NXPE2: variants seen among roughly 807,000 people sequenced by gnomAD.
The protein encoded by NXPE2 is neurexophilin and PC-esterase domain family member 2.
A neutral mutation model predicts 34.4 loss-of-function variants in NXPE2; 34 were observed. The observed-to-expected ratio is 0.99, with a 90% confidence interval of 0.75 to 1.31. The LOEUF (loss-of-function observed/expected upper bound fraction) is 1.31, where lower values mean the gene tolerates loss of function less well. Ranked by LOEUF, NXPE2 falls within the 40% of genes most tolerant of loss-of-function variation. The pLI is 0.00. For missense variants in NXPE2, 649 were observed against 672.5 expected, an observed-to-expected ratio of 0.97 and a Z score of 0.39; for synonymous variants, 235 against 231.3, an observed-to-expected ratio of 1.02 and a Z score of -0.15.
At chr11:114,768,349 C>T in the NXPE2 span, among the ~76,000 whole-genome samples, 2 of 152,100 alleles carry the variant, frequency 1.3e-5, no homozygotes, top group Non-Finnish European at 1.5e-5. Flanking sequence ...TAGCAAGATG[C>T]CTCCAGCTTT....
chr11:114,770,812 C>A, the NXPE2 span, among the ~76,000 whole-genome samples: 2 of 152,106 alleles, frequency 1.3e-5, no homozygotes, highest in Non-Finnish European at 2.9e-5. Flanking sequence ...GGGCTGTGGC[C>A]AATGTCTTGC....
intron 3 of NXPE2, among the ~76,000 whole-genome samples, chr11:114,703,676 AGATAGATAGATAGATAGATAGAT>A (rs754032897): frequency 0.27 from 16,636 of 61,030 alleles, 955 homozygotes; most frequent in East Asian, 0.36. Flanking sequence ...ATAGATAGAT[AGATAGATAGATAGATAGATAGAT>A]GATAGATAGA....
the NXPE2 span, chr11:114,551,476 C>T: frequency 1.7e-4 from 176 of 1,065,958 alleles, 1 homozygote; most frequent in African/African-American, 2.4e-3. Flanking sequence ...TATAGGTTCT[C>T]TTAATGCCCT....
the NXPE2 span, among the ~76,000 whole-genome samples, chr11:114,768,303 G>A: frequency 6.6e-6 from 1 of 152,146 alleles, no homozygotes. Context: ...ATGCTGTTTT[G>A]GTTACTGTGG....
At chr11:114,639,558 A>G in the NXPE2 span, among the ~76,000 whole-genome samples, 4 of 151,132 alleles carry the variant, frequency 2.6e-5, no homozygotes, top group South Asian at 2.1e-4. Context: ...TGTCTTCTGC[A>G]TCGCTCAGGC....
chr11:114,782,171 A>T, the NXPE2 span, among the ~76,000 whole-genome samples: 3,063 of 152,360 alleles, frequency 0.02, 46 homozygotes, highest in Non-Finnish European at 0.029. Context: ...GTACAGGTTC[A>T]GTATAGACAC....
the NXPE2 span, among the ~76,000 whole-genome samples, chr11:114,792,575 A>C: frequency 6.6e-6 from 1 of 152,146 alleles, no homozygotes; most frequent in Admixed American, 6.5e-5. Context: ...TGTAATCCTC[A>C]AGGGAAGTAG....
the NXPE2 span, among the ~76,000 whole-genome samples, chr11:114,773,275 T>TCCCCCCCCCCCCCCCCCCCCCCCCCCCCC: frequency 2.6e-5 from 1 of 38,412 alleles, no homozygotes; most frequent in African/African-American, 9.1e-5. Flanking sequence ...CACAACCCAC[T>TCCCCCCCCCCCCCCCCCCCCCCCCCCCCC]CCCACCCCCC....
the NXPE2 span, among the ~76,000 whole-genome samples, chr11:114,785,030 C>T: frequency 6.6e-6 from 1 of 151,680 alleles, no homozygotes; most frequent in Non-Finnish European, 1.5e-5. Flanking sequence ...CAAGGAGAGA[C>T]GTGCTGCAGA....
the NXPE2 span, among the ~76,000 whole-genome samples, chr11:114,618,489 T>C: frequency 2.6e-5 from 4 of 152,070 alleles, no homozygotes; most frequent in African/African-American, 9.6e-5. Context: ...ATAATAAGTG[T>C]TGCCTCGTAG....
At chr11:114,708,241 G>A (rs1196048470), downstream of NXPE2, among the ~76,000 whole-genome samples, 5 of 152,098 alleles carry the variant, frequency 3.3e-5, no homozygotes, top group East Asian at 9.6e-4. Context: ...TAAGAATCAT[G>A]GATCACACTT....
the NXPE2 span, among the ~76,000 whole-genome samples, chr11:114,643,930 T>C: frequency 3.3e-5 from 5 of 152,214 alleles, no homozygotes; most frequent in Admixed American, 2.6e-4. Context: ...GTGTCCTCTC[T>C]TATTTTCTTG....
At chr11:114,612,408 C>G in the NXPE2 span, among the ~76,000 whole-genome samples, 2 of 151,908 alleles carry the variant, frequency 1.3e-5, no homozygotes, top group Non-Finnish European at 1.5e-5. Flanking sequence ...ACCACTGTTA[C>G]CCGGTGGATA....
At chr11:114,725,972 A>ATATATATATAT in the NXPE2 span, among the ~76,000 whole-genome samples, 37 of 14,258 alleles carry the variant, frequency 2.6e-3, no homozygotes, top group Middle Eastern at 0.091. Flanking sequence ...TATAATAAAA[A>ATATATATATAT]AAAAATATAT....
chr11:114,652,104 T>C, the NXPE2 span, among the ~76,000 whole-genome samples: 4 of 152,200 alleles, frequency 2.6e-5, no homozygotes, highest in Admixed American at 2.6e-4. Context: ...TTTTTTAATC[T>C]ACTGCCTAGA....
chr11:114,503,241 T>C, the NXPE2 span, among the ~76,000 whole-genome samples: 2 of 152,154 alleles, frequency 1.3e-5, no homozygotes. Flanking sequence ...ACATAGAGCA[T>C]CCAGGTGGCT....
At chr11:114,630,094 G>A in the NXPE2 span, among the ~76,000 whole-genome samples, 88 of 151,458 alleles carry the variant, frequency 5.8e-4, no homozygotes, top group Non-Finnish European at 4.7e-4. Context: ...TGGCCATACT[G>A]CCCAAGGTAA....
intron 2 of NXPE2, among the ~76,000 whole-genome samples, chr11:114,687,663 A>G (rs775305202): frequency 1.3e-5 from 2 of 152,078 alleles, no homozygotes; most frequent in Non-Finnish European, 2.9e-5. Context: ...TGATGTTGGA[A>G]TAGCATTGAA....
chr11:114,745,752 GA>G, the NXPE2 span, among the ~76,000 whole-genome samples: 1 of 151,956 alleles, frequency 6.6e-6, no homozygotes, highest in African/African-American at 2.4e-5. Flanking sequence ...AACTAGATAT[GA>G]AAAAGTATAC....
Sources: allele counts gnomAD v4.1 joint callset (sites outside exome capture counted in the v4.1 genomes callset), GRCh38; gene constraint gnomAD v4.1.1; transcripts MANE v1.5; gene names NCBI Gene and HGNC (gene_info 2026-07-23, HGNC 2026-07-21).